Variants in RFLNA observed in about 807,000 individuals in gnomAD.
The protein encoded by RFLNA is refilin-A.
Under a neutral mutation model 7.8 loss-of-function variants are expected in RFLNA, and 5 were observed. The observed-to-expected ratio is 0.64, with a 90% CI of 0.34 to 1.35. RFLNA has a LOEUF of 1.35. Among genes scored for constraint, RFLNA ranks in the 40% most tolerant of loss-of-function variants. The pLI, the probability that RFLNA is intolerant of heterozygous loss-of-function variation, is 0.04. For missense variants in RFLNA, 278 were observed against 305.5 expected (o/e 0.91, Z 0.67); for synonymous variants, 141 against 131.3 (o/e 1.07, Z -0.50).
Position 124,315,517 on chromosome 12 carries a change from C to G in RFLNA, c.*992C>G, listed in dbSNP as rs2034335945. 6.6e-6 allele frequency: 1 copy of G among 152,262 alleles called. No homozygotes were observed. The highest frequency in any genetic ancestry group is 6.5e-5 in the Admixed American group (1 of 15,294). 9.4% of individuals were successfully genotyped at this position (152,262 alleles called of 1,614,324 possible). A position where few individuals can be genotyped will look rare whatever the true frequency, so the allele number is the denominator to read the frequency against. On this transcript the variant is annotated 3_prime_UTR_variant, in exon 3 of 3. Coordinates refer to ENST00000546355, the MANE Select transcript of RFLNA (RefSeq NM_001365156.1). The stretch of plus-strand genomic sequence containing the variant: ...CTGCATTCCTGTGCGCAATCGATTC[C>G]GCAATGACAGCACCTTACTCCTTCC...
At chr12:124,301,621 G>T (rs1032013192) in intron 1 of RFLNA, among the ~76,000 whole-genome samples, 1 of 152,192 alleles carries the variant, frequency 6.6e-6, no homozygotes, top group African/African-American at 2.4e-5. Flanking sequence ...CTTTATAAGG[G>T]CAGGGTCTGG....
At chr12:124,296,485 C>T (rs973450044) in intron 1 of RFLNA, among the ~76,000 whole-genome samples, 1 of 140,190 alleles carries the variant, frequency 7.1e-6, no homozygotes, top group African/African-American at 2.5e-5. Flanking sequence ...GATTGCCCAT[C>T]CCTGCCCGCT....
At chr12:124,298,997 C>T (rs182363235) in intron 1 of RFLNA, among the ~76,000 whole-genome samples, 21 of 152,364 alleles carry the variant, frequency 1.4e-4, no homozygotes, top group Admixed American at 1.1e-3. Context: ...CAGGGACCAC[C>T]GGAGGGCCGG....
At chr12:124,304,490 C>CT in intron 1 of RFLNA, among the ~76,000 whole-genome samples, 1 of 152,192 alleles carries the variant, frequency 6.6e-6, no homozygotes, top group Non-Finnish European at 1.5e-5. Context: ...AGGTGGGGAG[C>CT]GGGACCGGGC....
intron 1 of RFLNA, among the ~76,000 whole-genome samples, chr12:124,296,655 C>T (rs59703390): frequency 0.056 from 8,497 of 152,252 alleles, 709 homozygotes; most frequent in African/African-American, 0.18. Flanking sequence ...CGGAAAGGAG[C>T]GGCTCCCCGG....
chr12:124,303,358 G>A (rs764050874), intron 1 of RFLNA, among the ~76,000 whole-genome samples: 3 of 152,194 alleles, frequency 2.0e-5, no homozygotes, highest in Admixed American at 6.5e-5. Context: ...TGGGTGAAGC[G>A]GGTGGGGCCT....
intron 2 of RFLNA, among the ~76,000 whole-genome samples, chr12:124,313,615 C>G (rs1210362387): frequency 6.6e-6 from 1 of 151,398 alleles, no homozygotes; most frequent in East Asian, 1.9e-4. Context: ...GGAGGCGGAG[C>G]TTGCAGAGAG....
At chr12:124,313,636 G>A (rs1412836310) in intron 2 of RFLNA, among the ~76,000 whole-genome samples, 5 of 151,100 alleles carry the variant, frequency 3.3e-5, no homozygotes, top group South Asian at 2.1e-4. Flanking sequence ...CCGAGATCGC[G>A]CCACTGCACT....
chr12:124,309,497 G>A (rs1566327830), intron 1 of RFLNA, among the ~76,000 whole-genome samples: 2 of 152,206 alleles, frequency 1.3e-5, no homozygotes, highest in Admixed American at 1.3e-4. Context: ...CTGTGGCCGC[G>A]AGCATCTCTT....
intron 1 of RFLNA, among the ~76,000 whole-genome samples, chr12:124,299,460 G>A (rs2033988655): frequency 6.6e-6 from 1 of 152,226 alleles, no homozygotes; most frequent in African/African-American, 2.4e-5. Flanking sequence ...CACCACCCAA[G>A]CAGTACACAC....
chr12:124,306,917 CG>C lies in RFLNA; in HGVS notation c.208-4899del, dbSNP rs1566326385. 6.6e-6 allele frequency among the ~76,000 whole-genome samples: 1 copy of C among 152,130 alleles called. No individual in the cohort carries two copies. Among genetic ancestry groups the C allele is most frequent in the Non-Finnish European group, 1.5e-5 (1 of 68,022 alleles). ...ACCCTCCACTCCCTCTGCCCGAGGCCGGTGTGCATGTGGTCACCATGGTTAT... is the reference window on the plus strand; with the variant it reads ...ACCCTCCACTCCCTCTGCCCGAGGCCGTGTGCATGTGGTCACCATGGTTAT... On this transcript the variant is annotated intron_variant, in intron 1 of 2. Transcript: ENST00000546355. The surrounding 1 kb of genome is among the most constrained non-coding windows in gnomAD (Gnocchi z 5.2).
intron 1 of RFLNA, among the ~76,000 whole-genome samples, chr12:124,308,726 G>A (rs1404497147): frequency 6.6e-6 from 1 of 152,252 alleles, no homozygotes; most frequent in Non-Finnish European, 1.5e-5. Flanking sequence ...CCAGCAGCCT[G>A]AGTGGCTCTG....
At chr12:124,296,576 G>A (rs893477440) in intron 1 of RFLNA, among the ~76,000 whole-genome samples, 8 of 152,136 alleles carry the variant, frequency 5.3e-5, no homozygotes, top group Non-Finnish European at 7.3e-5. Context: ...CTGGGGCCCC[G>A]GGGATTCTTG....
At chr12:124,293,400 T>C (rs1040779714), upstream of RFLNA, among the ~76,000 whole-genome samples, 2 of 152,182 alleles carry the variant, frequency 1.3e-5, no homozygotes, top group Admixed American at 1.3e-4. Flanking sequence ...AGAAGACTAC[T>C]GGGTCTGGGT....
At chr12:124,305,440 T>C (rs1243801733) in intron 1 of RFLNA, among the ~76,000 whole-genome samples, 1 of 152,254 alleles carries the variant, frequency 6.6e-6, no homozygotes, top group Non-Finnish European at 1.5e-5. Flanking sequence ...CCTTGGCTGC[T>C]GCAGCCAATT....
chr12:124,313,949 C>T lies in RFLNA; in HGVS notation c.318-243C>T, dbSNP rs1293533523. Among the ~76,000 whole-genome samples, 3 of 152,320 alleles carry T rather than the reference C, an allele frequency of 2.0e-5. No individual in the cohort carries two copies. The South Asian group carries it at 6.2e-4, about 32-fold the overall frequency. ...AGGTCCTTTCCTGGCTTACTTTTCT[C>T]CCCAGTTCAGGATCCAGTCAGGGTC... On this transcript the variant is annotated intron_variant, in intron 2 of 2. Transcript: ENST00000546355.
At chr12:124,292,387 C>A (rs1166139349), upstream of RFLNA, among the ~76,000 whole-genome samples, 2 of 152,218 alleles carry the variant, frequency 1.3e-5, no homozygotes. Context: ...AGACTGGCCA[C>A]AAGAGCCTCC....
chr12:124,302,578 G>A (rs1180873555), intron 1 of RFLNA, among the ~76,000 whole-genome samples: 5 of 152,132 alleles, frequency 3.3e-5, no homozygotes, highest in Admixed American at 2.6e-4. Flanking sequence ...CCCAGGATTC[G>A]CCAATAGCCA....
rs2034322705 is a variant in RFLNA, at chr12:124,314,840, T to C, written c.*315T>C. ...GGGTCAGGGGAAAAGAATGGGTCCA[T>C]GGAGTGCCCTTGAAGCAGAGAACAG... On this transcript the variant is annotated 3_prime_UTR_variant, in exon 3 of 3. Coordinates refer to ENST00000546355, the MANE Select transcript of RFLNA (RefSeq NM_001365156.1). The C allele has an allele frequency of 5.4e-6, 3 of 550,938 alleles. No individual in the cohort carries two copies. Among genetic ancestry groups the C allele is most frequent in the Admixed American group, 4.5e-5 (2 of 44,360 alleles). The allele number at this position is 550,938 out of a possible 1,614,324, so 34.1% of individuals were successfully genotyped here.
Sources: gnomAD v4.1 joint callset for allele counts (sites outside exome capture counted in the v4.1 genomes callset) on GRCh38, gnomAD v4.1.1 for gene constraint, Gnocchi (gnomAD v3.1) non-coding constraint, MANE v1.5 for transcripts, NCBI Gene and HGNC (gene_info 2026-07-23, HGNC 2026-07-21) for gene names.